Variants in XNDC1N observed in about 807,000 individuals in gnomAD.
XNDC1N encodes the protein protein XNDC1N.
At chr11:71,915,958 T>C in the XNDC1N span, 1 of 586,798 alleles carries the variant, frequency 1.7e-6, no homozygotes, top group Non-Finnish European at 3.1e-6. Context: ...CTTGTATTTG[T>C]GTGTGTGTGT....
At chr11:71,881,279 C>T in the XNDC1N span, among the ~76,000 whole-genome samples, 2 of 152,108 alleles carry the variant, frequency 1.3e-5, no homozygotes, top group South Asian at 4.1e-4. Flanking sequence ...TTCTTTGTCT[C>T]TTTTTATGTT....
At chr11:71,917,476 C>T in the XNDC1N span, 1 of 666,300 alleles carries the variant, frequency 1.5e-6, no homozygotes, top group Non-Finnish European at 2.7e-6. Flanking sequence ...CCTTAACCAC[C>T]CTTTGCCCCC....
chr11:71,909,871 G>C, the XNDC1N span, among the ~76,000 whole-genome samples: 1 of 152,168 alleles, frequency 6.6e-6, no homozygotes, highest in Admixed American at 6.5e-5. Context: ...CTCTTTGCTG[G>C]TAAAGTGACC....
At chr11:71,882,386 C>A in the XNDC1N span, among the ~76,000 whole-genome samples, 1,550 of 152,170 alleles carry the variant, frequency 0.01, 13 homozygotes, top group South Asian at 0.019. Flanking sequence ...CAGCCACCAC[C>A]ACGCCTGGCT....
the XNDC1N span, among the ~76,000 whole-genome samples, chr11:71,919,605 G>GT: frequency 0.03 from 330 of 10,930 alleles, 3 homozygotes; most frequent in Admixed American, 0.04. Context: ...GGCCAGGTTG[G>GT]TTTTTTTTTT....
the XNDC1N span, among the ~76,000 whole-genome samples, chr11:71,915,448 C>CAA: frequency 9.1e-6 from 1 of 110,368 alleles, no homozygotes. Context: ...ACTCTGTCCC[C>CAA]AAAAAAAAAA....
the XNDC1N span, among the ~76,000 whole-genome samples, chr11:71,875,470 A>G: frequency 6.6e-6 from 1 of 152,168 alleles, no homozygotes; most frequent in African/African-American, 2.4e-5. Context: ...CTACTCTTAT[A>G]CAGAGAAAAA....
At chr11:71,884,675 G>A in the XNDC1N span, 3 of 1,346,040 alleles carry the variant, frequency 2.2e-6, no homozygotes, top group South Asian at 1.3e-5. Flanking sequence ...TGTTTAGATG[G>A]TCAGGTGAAA....
the XNDC1N span, among the ~76,000 whole-genome samples, chr11:71,897,412 G>A: frequency 6.6e-6 from 1 of 152,200 alleles, no homozygotes; most frequent in Non-Finnish European, 1.5e-5. Flanking sequence ...ATCAACAATG[G>A]TCAGAAGACG....
the XNDC1N span, among the ~76,000 whole-genome samples, chr11:71,908,434 T>C: frequency 6.6e-6 from 1 of 152,188 alleles, no homozygotes; most frequent in African/African-American, 2.4e-5. Flanking sequence ...TTGATAATTA[T>C]TAGCGCCAAT....
chr11:71,913,516 G>A, the XNDC1N span, among the ~76,000 whole-genome samples: 11 of 151,928 alleles, frequency 7.2e-5, no homozygotes, highest in Non-Finnish European at 5.9e-5. Context: ...AAAATTAGCC[G>A]GGTGTGGTGG....
the XNDC1N span, among the ~76,000 whole-genome samples, chr11:71,901,384 G>C: frequency 1.3e-5 from 2 of 152,168 alleles, no homozygotes; most frequent in African/African-American, 4.8e-5. Context: ...GAATCACAAG[G>C]TCAGTAATTC....
the XNDC1N span, among the ~76,000 whole-genome samples, chr11:71,904,602 G>T: frequency 3.3e-5 from 5 of 151,998 alleles, no homozygotes; most frequent in Non-Finnish European, 7.4e-5. Context: ...TCCTTCTAGG[G>T]TATTGCAGAT....
At chr11:71,876,261 ATTC>A in the XNDC1N span, among the ~76,000 whole-genome samples, 2 of 152,178 alleles carry the variant, frequency 1.3e-5, no homozygotes, top group African/African-American at 4.8e-5. Context: ...AATTACCTTC[ATTC>A]TTCTTCTACT....
the XNDC1N span, among the ~76,000 whole-genome samples, chr11:71,911,070 C>A: frequency 6.6e-6 from 1 of 152,252 alleles, no homozygotes; most frequent in African/African-American, 2.4e-5. Flanking sequence ...CTACATCTCT[C>A]AACAACTGGA....
chr11:71,899,905 C>A, the XNDC1N span, among the ~76,000 whole-genome samples: 1 of 152,152 alleles, frequency 6.6e-6, no homozygotes, highest in African/African-American at 2.4e-5. Context: ...ATGAATGTCT[C>A]GGTATAAAAC....
chr11:71,915,949 T>G, the XNDC1N span: 1 of 599,516 alleles, frequency 1.7e-6, no homozygotes, highest in East Asian at 2.8e-5. Flanking sequence ...CCGTTGATAC[T>G]TGTATTTGTG....
chr11:71,892,066 T>A, the XNDC1N span, among the ~76,000 whole-genome samples: 1 of 152,000 alleles, frequency 6.6e-6, no homozygotes, highest in Admixed American at 6.5e-5. Context: ...ACAACTTCTG[T>A]GATATTGGAA....
At chr11:71,916,138 G>T in the XNDC1N span, 2 of 703,024 alleles carry the variant, frequency 2.8e-6, no homozygotes, top group East Asian at 2.7e-5. Context: ...GGAGTCCAGA[G>T]AAGAACACAC....
Sources: gnomAD v4.1 joint callset for allele counts (sites outside exome capture counted in the v4.1 genomes callset) on GRCh38, gnomAD v4.1.1 for gene constraint, MANE v1.5 for transcripts, NCBI Gene and HGNC (gene_info 2026-07-23, HGNC 2026-07-21) for gene names.